CLIP2: variants seen among roughly 807,000 people sequenced by gnomAD.
CLIP2 encodes the protein CAP-Gly domain-containing linker protein 2.
A neutral mutation model predicts 111.7 loss-of-function variants in CLIP2; 41 were observed. The ratio of observed to expected loss-of-function variants is 0.37; its 90% CI spans 0.29 to 0.48. The LOEUF (loss-of-function observed/expected upper bound fraction) is 0.48, where lower values mean the gene tolerates loss of function less well. CLIP2 is among the 20% of genes least tolerant of loss of function. The pLI, the probability that CLIP2 is intolerant of heterozygous loss-of-function variation, is 0.99. For synonymous variants in CLIP2, 660 were observed against 644.2 expected, an observed-to-expected ratio of 1.02 and a Z score of -0.37; for missense variants, 1,160 against 1,422.1, an observed-to-expected ratio of 0.82 and a Z score of 2.96.
rs1019167426 is a variant in CLIP2, at chr7:74,365,009, G to C, written c.1380+694G>C. ...TGTTTTTTGTTGTGTGTGTGTGTGT[G>C]TGTGTGTGTGTGTGTGTGTGTGTGT... On this transcript the variant is annotated intron_variant, in intron 8 of 16. Coordinates refer to ENST00000223398, the MANE Select transcript of CLIP2 (RefSeq NM_003388.5). 9 of 259,468 alleles carry C rather than the reference G, an allele frequency of 3.5e-5. No homozygotes were observed. In the East Asian group the frequency reaches 9.2e-4, roughly 27 times the overall value. The allele number at this position is 259,468 out of a possible 1,614,324, so 16.1% of individuals were successfully genotyped here. A position where few individuals can be genotyped will look rare whatever the true frequency, so the allele number is the denominator to read the frequency against.
intron 3 of CLIP2, among the ~76,000 whole-genome samples, chr7:74,343,344 C>T (rs1197548725): frequency 6.6e-6 from 1 of 152,124 alleles, no homozygotes; most frequent in Non-Finnish European, 1.5e-5. Flanking sequence ...AAGCCAACCC[C>T]ATCCAACAGG....
intron 14 of CLIP2, among the ~76,000 whole-genome samples, chr7:74,399,724 GA>G (rs1791565764): frequency 6.6e-6 from 1 of 151,860 alleles, no homozygotes; most frequent in Non-Finnish European, 1.5e-5. Context: ...ACTTTTAGTA[GA>G]AATGGGGTTT....
chr7:74,401,454 G>A (rs782570609), intron 15 of CLIP2, 51 bp from the exon 16 acceptor site: 33 of 1,579,964 alleles, frequency 2.1e-5, no homozygotes, highest in East Asian at 1.4e-4. Context: ...TGGGAAAATC[G>A]GGAACTGCTG....
intron 8 of CLIP2, among the ~76,000 whole-genome samples, chr7:74,367,903 C>T (rs192118854): frequency 7.2e-5 from 11 of 152,180 alleles, no homozygotes; most frequent in East Asian, 5.8e-4. Context: ...ATAGCAAGAC[C>T]GTGTTTCTAC....
At chr7:74,399,574 CTG>C in intron 14 of CLIP2, among the ~76,000 whole-genome samples, 1 of 146,342 alleles carries the variant, frequency 6.8e-6, no homozygotes, top group Middle Eastern at 3.7e-3. Flanking sequence ...AAGTCTCACT[CTG>C]TCGCCCAGGC....
In CLIP2 at chr7:74,376,918, C is replaced by A; in HGVS notation, c.2421+96C>A. 1 of 1,240,370 alleles carries A rather than the reference C, an allele frequency of 8.1e-7. No individual in the cohort carries two copies. Among genetic ancestry groups the A allele is most frequent in the Non-Finnish European group, 1.1e-6 (1 of 918,928 alleles). The allele number at this position is 1,240,370 out of a possible 1,614,324, so 76.8% of individuals were successfully genotyped here. ...GTTCTGCAGCCCAGGAAGCATTTCC[C>A]TTGTCCCCGAGAGCATGCCTGGGGC... On this transcript the variant is annotated intron_variant, in intron 10 of 16. Coordinates refer to ENST00000223398, the MANE Select transcript of CLIP2 (RefSeq NM_003388.5). The surrounding 1 kb of genome is among the most constrained non-coding windows in gnomAD (Gnocchi z 7.1).
Position 74,376,858 on chromosome 7 carries a change from C to G in CLIP2, c.2421+36C>G, listed in dbSNP as rs989493290. The G allele has an allele frequency of 2.0e-6, 3 of 1,503,506 alleles. No individual in the cohort carries two copies. The highest frequency in any genetic ancestry group is 2.2e-5 in the Admixed American group (1 of 44,706). The allele number at this position is 1,503,506 out of a possible 1,614,324, so 93.1% of individuals were successfully genotyped here. ...GCCCCTCCTGCTGGGGCGGGAGGGT[C>G]GGGCTGGGGAGGGCTTGGCCTTTTG... On this transcript the variant is annotated intron_variant, in intron 10 of 16. Coordinates refer to ENST00000223398, the MANE Select transcript of CLIP2 (RefSeq NM_003388.5). The surrounding 1 kb of genome is among the most constrained non-coding windows in gnomAD (Gnocchi z 7.1).
chr7:74,374,610 A>C (rs782525628), intron 9 of CLIP2, among the ~76,000 whole-genome samples: 5 of 152,136 alleles, frequency 3.3e-5, no homozygotes, highest in Non-Finnish European at 5.9e-5. Context: ...AGTCCCAGCT[A>C]CTTGGGAGGC....
intron 14 of CLIP2, 68 bp from the exon 15 acceptor site, chr7:74,400,302 A>C: frequency 3.7e-6 from 5 of 1,356,922 alleles, no homozygotes; most frequent in African/African-American, 1.5e-5. Context: ...TTTCCTGCCT[A>C]GAGTTGAGAC....
intron 13 of CLIP2, among the ~76,000 whole-genome samples, chr7:74,391,604 G>C (rs1168445067): frequency 2.6e-5 from 4 of 152,036 alleles, no homozygotes; most frequent in Admixed American, 6.6e-5. Flanking sequence ...CAGATCACTT[G>C]AGCTCAGGAG....
At chr7:74,348,006 C>T (rs1789854160) in intron 3 of CLIP2, among the ~76,000 whole-genome samples, 1 of 151,910 alleles carries the variant, frequency 6.6e-6, no homozygotes, top group Non-Finnish European at 1.5e-5. Context: ...ATGGTGAAAC[C>T]CCATCTCTAC....
At chr7:74,371,692 A>T (rs1584369874) in intron 8 of CLIP2, among the ~76,000 whole-genome samples, 1 of 119,754 alleles carries the variant, frequency 8.4e-6, no homozygotes. Context: ...GACGGGGGGG[A>T]GAAAGAAGAG....
In CLIP2 at chr7:74,404,220, T is replaced by G; in HGVS notation, c.*372T>G. The G allele has an allele frequency of 3.9e-6, 1 of 256,682 alleles. No individual in the cohort carries two copies. 15.9% of individuals were successfully genotyped at this position (256,682 alleles called of 1,614,324 possible). A position where few individuals can be genotyped will look rare whatever the true frequency, so the allele number is the denominator to read the frequency against. ...CGGCCCTGTCCTCTTTTTCCGCCCA[T>G]TCTCCCTCGGGTCTCCCCAGAGGGG... On this transcript the variant is annotated 3_prime_UTR_variant, in exon 17 of 17. Coordinates refer to ENST00000223398, the MANE Select transcript of CLIP2 (RefSeq NM_003388.5).
In CLIP2 at chr7:74,338,508, C is replaced by A. The variant is rs781989461; in HGVS notation, c.182C>A (p.Pro61His). Residue 61 changes from proline to histidine, a missense_variant, in exon 3 of 17, where the codon CCC becomes CAC. Physicochemically the swap from Pro to His is moderately conservative, Grantham distance 77 (BLOSUM62 -2). Transcript: ENST00000223398. The surrounding 1 kb of genome is among the most constrained non-coding windows in gnomAD (Gnocchi z 4.3). ...TCCTCCCCGGCCGCAGCTGCTGCCC[C>A]CGAGAAGCCGGGCCCCAAGGCGGCG... Reference protein sequence around the residue: ...PSSSPAAAAAPEKPGPKAAEV... With the variant: ...PSSSPAAAAAHEKPGPKAAEV... The A allele has an allele frequency of 1.2e-6, 2 of 1,610,982 alleles. No homozygotes were observed. Among genetic ancestry groups the A allele is most frequent in the East Asian group, 2.2e-5 (1 of 44,768 alleles).
intron 3 of CLIP2, among the ~76,000 whole-genome samples, chr7:74,349,024 G>A (rs1173582041): frequency 2.6e-5 from 4 of 151,908 alleles, no homozygotes; most frequent in African/African-American, 9.7e-5. Context: ...AATATTCATA[G>A]CAACATTATT....
At chr7:74,321,626 G>A (rs1051231645) in intron 2 of CLIP2, among the ~76,000 whole-genome samples, 2 of 151,744 alleles carry the variant, frequency 1.3e-5, no homozygotes, top group African/African-American at 4.8e-5. Flanking sequence ...CCGCCACCAC[G>A]CCAGGCTAAT....
chr7:74,356,349 A>G (rs1790142575), intron 4 of CLIP2, 61 bp from the exon 5 acceptor site: 5 of 1,385,898 alleles, frequency 3.6e-6, no homozygotes, highest in Non-Finnish European at 5.1e-6. Flanking sequence ...CAGAGGAGGC[A>G]GGGGAGGCTC....
At chr7:74,394,246 T>C (rs1009764312) in intron 13 of CLIP2, among the ~76,000 whole-genome samples, 1 of 126,190 alleles carries the variant, frequency 7.9e-6, no homozygotes. Context: ...TTTCTTCTTA[T>C]TTTTTTTTTT....
chr7:74,386,393 G>A, intron 11 of CLIP2, 128 bp from the exon 12 acceptor site: 2 of 674,456 alleles, frequency 3.0e-6, no homozygotes, highest in East Asian at 6.4e-5. Context: ...GCTGGAGTGA[G>A]GAAGAACTTG....
Sources: gnomAD v4.1 joint callset for allele counts (sites outside exome capture counted in the v4.1 genomes callset) on GRCh38, gnomAD v4.1.1 for gene constraint, Gnocchi (gnomAD v3.1) non-coding constraint, MANE v1.5 for transcripts, NCBI Gene and HGNC (gene_info 2026-07-23, HGNC 2026-07-21) for gene names.